Variants in APC observed in about 807,000 individuals in gnomAD.
The protein encoded by APC is APC regulator of Wnt signaling pathway, also known as adenomatous polyposis coli protein.
Under a neutral mutation model 247.0 loss-of-function variants are expected in APC, and 72 were observed. The ratio of observed to expected loss-of-function variants is 0.29; its 90% CI spans 0.24 to 0.35. The LOEUF is 0.35. APC is among the 10% of genes least tolerant of loss of function. The pLI, the probability that APC is intolerant of heterozygous loss-of-function variation, is 1.00. For synonymous variants in APC, 1,254 were observed against 1,162.5 expected, an observed-to-expected ratio of 1.08 and a Z score of -1.60; for missense variants, 3,400 against 3,360.7, an observed-to-expected ratio of 1.01 and a Z score of -0.29.
intron 11 of APC, chr5:112,823,417 G>C (rs1029742999): frequency 6.5e-6 from 1 of 152,686 alleles, no homozygotes; most frequent in Non-Finnish European, 1.5e-5. Context: ...AGCCACAGGG[G>C]ATTACCTTCT....
At chr5:112,818,321 C>T (rs143648756) in intron 9 of APC, among the ~76,000 whole-genome samples, 2 of 152,302 alleles carry the variant, frequency 1.3e-5, no homozygotes, top group East Asian at 3.9e-4. Flanking sequence ...AATTTATTGT[C>T]AGAGAGTAAT....
chr5:112,816,127 C>T (rs1259700926), intron 9 of APC, among the ~76,000 whole-genome samples: 1 of 152,218 alleles, frequency 6.6e-6, no homozygotes, highest in Non-Finnish European at 1.5e-5. Flanking sequence ...CCCTTCCTTG[C>T]CTGCATTGGT....
upstream of APC, among the ~76,000 whole-genome samples, chr5:112,733,739 A>G (rs1752214449): frequency 6.6e-6 from 1 of 152,214 alleles, no homozygotes; most frequent in Non-Finnish European, 1.5e-5. Flanking sequence ...TGGCAGCCAT[A>G]GGACATTTAA....
chr5:112,780,600 G>C (rs1442001282), intron 5 of APC, among the ~76,000 whole-genome samples, 190 bp from the exon 6 acceptor site: 2 of 152,088 alleles, frequency 1.3e-5, no homozygotes, highest in Admixed American at 1.3e-4. Context: ...CGTCACATCA[G>C]GGATCCAGAT....
At position 112,845,179 on chromosome 5, in the gene APC, A is replaced by G. The variant is rs888677592; in HGVS notation, c.*1053A>G. 1.3e-5 allele frequency: 3 copies of G among 232,380 alleles called. No individual in the cohort carries two copies. The highest frequency in any genetic ancestry group is 6.1e-5 in the East Asian group (1 of 16,372). The allele number at this position is 232,380 out of a possible 1,614,324, so 14.4% of individuals were successfully genotyped here. On this transcript the variant is annotated 3_prime_UTR_variant, in exon 16 of 16. Transcript: ENST00000257430. ...CCATTCCATGCGTTGGCACTTATCTATTCCTGAAATTTCTTTTATGTGATT... is the reference window on the plus strand; with the variant it reads ...CCATTCCATGCGTTGGCACTTATCTGTTCCTGAAATTTCTTTTATGTGATT...
chr5:112,843,727 T>C lies in APC; in HGVS notation c.8133T>C (p.Val2711=), dbSNP rs1489637060. 1 of 1,614,078 alleles carries C rather than the reference T, an allele frequency of 6.2e-7. No homozygotes were observed. Among genetic ancestry groups the C allele is most frequent in the Non-Finnish European group, 8.5e-7 (1 of 1,179,950 alleles). The change falls in exon 16 of 16, where the codon GTT becomes GTC. Residue 2711 remains valine, a synonymous_variant. Transcript: ENST00000257430. The surrounding 1 kb of genome is among the most constrained non-coding windows in gnomAD (Gnocchi z 4.8). ...AACAAAATGTGGGTAATGGCAGTGTTCCCATGCGTACCGTGGGTTTGGAAA... is the reference window on the plus strand; with the variant it reads ...AACAAAATGTGGGTAATGGCAGTGTCCCCATGCGTACCGTGGGTTTGGAAA... ...QAKQNVGNGS[V]PMRTVGLENR... is the part of the protein sequence containing the mutation.
chr5:112,819,053 C>G lies in APC; in HGVS notation c.1021C>G (p.Gln341Glu), dbSNP rs77058194. ...SRTLLAMSSS[Q>E]DSCISMRQSG... The stretch of plus-strand genomic sequence containing the variant: ...AACTTTGCTAGCTATGTCTAGCTCC[C>G]AAGACAGCTGTATATCCATGCGACA... Residue 341 changes from glutamine (Q) to glutamate (E), a missense_variant, in exon 10 of 16, where the codon CAA becomes GAA. Gln to Glu is a conservative substitution (Grantham distance 29). Transcript: ENST00000257430. The G allele has an allele frequency of 6.2e-7, 1 of 1,614,072 alleles. No homozygotes were observed. Among genetic ancestry groups the G allele is most frequent in the Non-Finnish European group, 8.5e-7 (1 of 1,179,994 alleles).
At chr5:112,722,537 C>G (rs953967609) in intron 1 of APC, among the ~76,000 whole-genome samples, 1 of 152,052 alleles carries the variant, frequency 6.6e-6, no homozygotes, top group African/African-American at 2.4e-5. Flanking sequence ...AGGTTGAGGG[C>G]TCAGGCCCCA....
intron 1 of APC, among the ~76,000 whole-genome samples, chr5:112,744,890 A>G (rs945047898): frequency 6.6e-6 from 1 of 152,224 alleles, no homozygotes; most frequent in African/African-American, 2.4e-5. Flanking sequence ...GAATTCTGGC[A>G]TAGGCTCTTG....
chr5:112,845,577 G>A lies in APC; in HGVS notation c.*1451G>A, dbSNP rs988513045. 4.3e-6 allele frequency: 1 copy of A among 232,646 alleles called. No individual in the cohort carries two copies. Among genetic ancestry groups the A allele is most frequent in the African/African-American group, 2.2e-5 (1 of 45,292 alleles). The allele number at this position is 232,646 out of a possible 1,614,324, so 14.4% of individuals were successfully genotyped here. The stretch of plus-strand genomic sequence containing the variant: ...CAAATCACATGGAACTTTAGAGGTA[G>A]ATTTAATACGATTAAGATATTCAGA... On this transcript the variant is annotated 3_prime_UTR_variant, in exon 16 of 16. Transcript: ENST00000257430.
At chr5:112,720,582 A>G (rs1291558938) in intron 1 of APC, among the ~76,000 whole-genome samples, 1 of 152,232 alleles carries the variant, frequency 6.6e-6, no homozygotes, top group Non-Finnish European at 1.5e-5. Flanking sequence ...GCCTAAAAAT[A>G]TGAGGGAATT....
At chr5:112,827,471 A>C (rs1242298167) in intron 12 of APC, among the ~76,000 whole-genome samples, 1 of 152,208 alleles carries the variant, frequency 6.6e-6, no homozygotes, top group African/African-American at 2.4e-5. Context: ...GAATTTATGT[A>C]ATTGCATTAA....
intron 14 of APC, 40 bp from the exon 15 acceptor site, chr5:112,834,911 C>A: frequency 6.4e-7 from 1 of 1,561,906 alleles, no homozygotes; most frequent in Non-Finnish European, 8.8e-7. Context: ...GAGACAAATT[C>A]CAACTCTAAT....
Position 112,803,046 on chromosome 5 carries a change from A to T in APC, c.834+1663A>T, listed in dbSNP as rs143836261. ...TAAACATGGAAAGATGGTCAACTTT[A>T]CTAATCATGATATATAAATACAAAT... On this transcript the variant is annotated intron_variant, in intron 8 of 15. Transcript: ENST00000257430. 7.4e-3 allele frequency among the ~76,000 whole-genome samples: 1,122 copies of T among 152,282 alleles called. 17 individuals are homozygous for T. The highest frequency in any genetic ancestry group is 0.025 in the African/African-American group (1,052 of 41,570).
chr5:112,711,224 A>G (rs192311073), intron 1 of APC, among the ~76,000 whole-genome samples: 11 of 152,322 alleles, frequency 7.2e-5, no homozygotes, highest in Non-Finnish European at 1.5e-4. Flanking sequence ...AGTAGTGCCA[A>G]CCTTGTTTTG....
At chr5:112,804,781 G>T (rs1474824182) in intron 8 of APC, among the ~76,000 whole-genome samples, 3 of 152,022 alleles carry the variant, frequency 2.0e-5, no homozygotes, top group African/African-American at 7.2e-5. Flanking sequence ...ATTGCTTCAG[G>T]GTAGAAGTTC....
intron 14 of APC, among the ~76,000 whole-genome samples, chr5:112,831,887 C>A (rs1035672936): frequency 3.3e-5 from 5 of 152,162 alleles, no homozygotes; most frequent in African/African-American, 1.2e-4. Flanking sequence ...GACCAAATAC[C>A]TTTGTGTATC....
chr5:112,766,162 C>T lies in APC; in HGVS notation c.136-164C>T, dbSNP rs186543693. Among the ~76,000 whole-genome samples the T allele has an allele frequency of 2.6e-4, 39 of 152,122 alleles. No homozygotes were observed. In the East Asian group the frequency reaches 7.3e-3, roughly 29 times the overall value. ...CAAAATATCACTATTATTATTTGGC[C>T]ATGATTTATTTATTAATAATGAATA... On this transcript the variant is annotated intron_variant, in intron 2 of 15. Transcript: ENST00000257430.
intron 9 of APC, 123 bp downstream of exon 9, chr5:112,815,716 A>G: frequency 2.9e-6 from 2 of 681,168 alleles, no homozygotes; most frequent in Non-Finnish European, 5.1e-6. Flanking sequence ...CAGGTGGATC[A>G]CTTGAGGCCA....
Sources: allele counts gnomAD v4.1 joint callset (sites outside exome capture counted in the v4.1 genomes callset), GRCh38; gene constraint gnomAD v4.1.1; non-coding constraint Gnocchi (gnomAD v3.1); transcripts MANE v1.5; gene names NCBI Gene and HGNC (gene_info 2026-07-23, HGNC 2026-07-21).